The following EXD1 variants were observed in gnomAD, a reference collection of about 807,000 sequenced individuals.
EXD1 encodes the protein exonuclease 3'-5' domain containing 1.
A neutral mutation model predicts 49.1 loss-of-function variants in EXD1; 63 were observed. The ratio of observed to expected loss-of-function variants is 1.28; its 90% CI spans 1.05 to 1.58. The LOEUF (loss-of-function observed/expected upper bound fraction) is 1.58, where lower values mean the gene tolerates loss of function less well. Ranked by LOEUF, EXD1 falls within the 40% of genes most tolerant of loss-of-function variation. The pLI is 0.00. For missense variants in EXD1, 748 were observed against 666.0 expected (o/e 1.12, Z -1.36); for synonymous variants, 234 against 239.2 (o/e 0.98, Z 0.20).
chr15:41,221,853 A>G (rs1044105675), intron 2 of EXD1, among the ~76,000 whole-genome samples: 4 of 152,052 alleles, frequency 2.6e-5, no homozygotes, highest in Non-Finnish European at 4.4e-5. Flanking sequence ...CTGTAATTCC[A>G]GCACTTGAGA....
intron 9 of EXD1, among the ~76,000 whole-genome samples, chr15:41,193,828 A>G (rs1160953142): frequency 6.6e-6 from 1 of 151,860 alleles, no homozygotes. Context: ...AATTATAATT[A>G]TTTATCTATA....
chr15:41,202,828 G>C (rs567116944), intron 7 of EXD1, among the ~76,000 whole-genome samples: 110 of 150,160 alleles, frequency 7.3e-4, no homozygotes, highest in South Asian at 2.3e-3. Flanking sequence ...TGAGGCGCGA[G>C]AATCGCTGGA....
chr15:41,189,970 G>A lies in EXD1; in HGVS notation c.1023C>T (p.Arg341=), dbSNP rs546417875. ...CTCCAAGCCGGTCTGCAGACCCTTC[G>A]CGATACGTGTTTAGGTAACCATCCA... ...TLVDGYLNTY[R]EGSADRLGGT... is the part of the protein sequence containing the mutation. The change falls in exon 11 of 12, where the codon CGC becomes CGT. Residue 341 remains arginine, a synonymous_variant. Coordinates refer to ENST00000458580, the MANE Select transcript of EXD1 (RefSeq NM_001286441.2). 42 of 1,613,990 alleles carry A rather than the reference G, an allele frequency of 2.6e-5. No homozygotes were observed. In the Middle Eastern group the frequency reaches 6.6e-4, roughly 25 times the overall value.
At chr15:41,214,939 T>G (rs1490826238) in intron 6 of EXD1, among the ~76,000 whole-genome samples, 4 of 151,634 alleles carry the variant, frequency 2.6e-5, no homozygotes, top group Admixed American at 2.6e-4. Flanking sequence ...TAGAGACGGG[T>G]TTTCACCGTG....
chr15:41,226,754 T>C (rs2047170117), intron 1 of EXD1, 126 bp from the exon 2 acceptor site: 2 of 784,534 alleles, frequency 2.5e-6, no homozygotes, highest in South Asian at 5.4e-5. Context: ...TTCATCTTTT[T>C]GGAATGATGA....
chr15:41,189,926 G>A lies in EXD1; in HGVS notation c.1056+11C>T. 6.2e-7 allele frequency: 1 copy of A among 1,613,000 alleles called. No individual in the cohort carries two copies. Among genetic ancestry groups the A allele is most frequent in the Non-Finnish European group, 8.5e-7 (1 of 1,179,216 alleles). ...AGAAAGGAGGTCCTGAAGACAGAGA[G>A]CTGCACCTACCTCAGTGCCTCCAAG... is the stretch of plus-strand genomic sequence containing the variant. On this transcript the variant is annotated intron_variant, in intron 11 of 11. Transcript: ENST00000458580.
chr15:41,187,568 G>A (rs1407440597), intron 11 of EXD1, among the ~76,000 whole-genome samples: 5 of 152,108 alleles, frequency 3.3e-5, no homozygotes. Flanking sequence ...AATAATGCAT[G>A]TAGAGTATTA....
chr15:41,191,198 T>G (rs991546133), intron 10 of EXD1, among the ~76,000 whole-genome samples: 1 of 152,208 alleles, frequency 6.6e-6, no homozygotes, highest in South Asian at 2.1e-4. Flanking sequence ...AGTGTTGGGA[T>G]TATAGGCGTG....
intron 1 of EXD1, among the ~76,000 whole-genome samples, chr15:41,229,039 T>C (rs913538290): frequency 3.3e-5 from 5 of 152,150 alleles, no homozygotes; most frequent in African/African-American, 4.8e-5. Flanking sequence ...GGGACATTCA[T>C]GGGGCTGACA....
At position 41,184,609 on chromosome 15, in the gene EXD1, G is replaced by A. The variant is rs1209071689; in HGVS notation, c.1057-16C>T. ...TACATGTAGGCTAAGAAGAGAAAGCGAACACAAGTTTATTATAACTAAACT... is the reference window on the plus strand; with the variant it reads ...TACATGTAGGCTAAGAAGAGAAAGCAAACACAAGTTTATTATAACTAAACT... On this transcript the variant is annotated splice_polypyrimidine_tract_variant and intron_variant, in intron 11 of 11. Transcript: ENST00000458580. 21 of 1,547,646 alleles carry A rather than the reference G, an allele frequency of 1.4e-5. No individual in the cohort carries two copies. The highest frequency in any genetic ancestry group is 1.8e-5 in the Non-Finnish European group (21 of 1,152,900).
intron 9 of EXD1, among the ~76,000 whole-genome samples, 182 bp from the exon 10 acceptor site, chr15:41,191,767 A>C (rs576098795): frequency 3.3e-4 from 50 of 152,026 alleles, no homozygotes; most frequent in African/African-American, 1.1e-3. Flanking sequence ...GAAAAAAAAA[A>C]CGGAATAAAA....
At chr15:41,226,702 A>G in intron 1 of EXD1, 74 bp from the exon 2 acceptor site, 1 of 1,161,616 alleles carries the variant, frequency 8.6e-7, no homozygotes, top group Non-Finnish European at 1.2e-6. Flanking sequence ...CTTTCCCCAT[A>G]TCTGTAATGG....
At chr15:41,220,975 T>C (rs1261446472) in intron 2 of EXD1, among the ~76,000 whole-genome samples, 1 of 152,156 alleles carries the variant, frequency 6.6e-6, no homozygotes, top group South Asian at 2.1e-4. Flanking sequence ...CCCAAAGTAC[T>C]GGGATTACAG....
At chr15:41,189,648 G>A (rs1207966142) in intron 11 of EXD1, among the ~76,000 whole-genome samples, 1 of 151,906 alleles carries the variant, frequency 6.6e-6, no homozygotes, top group African/African-American at 2.4e-5. Context: ...GGGCGACAGA[G>A]TGAGACTCTG....
chr15:41,197,230 T>C (rs922882442), intron 7 of EXD1, among the ~76,000 whole-genome samples: 6 of 138,924 alleles, frequency 4.3e-5, no homozygotes, highest in African/African-American at 1.6e-4. Flanking sequence ...TTCTTTTTTC[T>C]TTTTTTTTTT....
In EXD1 at chr15:41,182,987, A is replaced by T. The variant is rs2046345819; in HGVS notation, c.*944T>A. 6.6e-6 allele frequency: 1 copy of T among 152,154 alleles called. No homozygotes were observed. Among genetic ancestry groups the T allele is most frequent in the African/African-American group, 2.4e-5 (1 of 41,450 alleles). The allele number at this position is 152,154 out of a possible 1,614,324, so 9.4% of individuals were successfully genotyped here. A position where few individuals can be genotyped will look rare whatever the true frequency, so the allele number is the denominator to read the frequency against. On this transcript the variant is annotated 3_prime_UTR_variant, in exon 12 of 12. Transcript: ENST00000458580. ...AGCTAAAAATAAAGGAAATAAAAAC[A>T]AATTAAAATAAAGATATTGGCTGGG...
chr15:41,214,133 C>T (rs977396695), intron 6 of EXD1, among the ~76,000 whole-genome samples: 36 of 152,118 alleles, frequency 2.4e-4, no homozygotes, highest in Non-Finnish European at 3.5e-4. Context: ...TGCCACTGCA[C>T]TCCAGCCTGG....
At chr15:41,197,161 A>T (rs1043398262) in intron 7 of EXD1, among the ~76,000 whole-genome samples, 4 of 151,922 alleles carry the variant, frequency 2.6e-5, no homozygotes, top group Non-Finnish European at 4.4e-5. Flanking sequence ...CTTGATTCTT[A>T]GAGAAAACAG....
At chr15:41,209,171 C>T (rs1442228847) in intron 7 of EXD1, among the ~76,000 whole-genome samples, 2 of 152,074 alleles carry the variant, frequency 1.3e-5, no homozygotes, top group Non-Finnish European at 2.9e-5. Context: ...TCCCTGTAAT[C>T]CCAGTGACTA....
Sources: gnomAD v4.1 joint callset for allele counts (sites outside exome capture counted in the v4.1 genomes callset) on GRCh38, gnomAD v4.1.1 for gene constraint, MANE v1.5 for transcripts, NCBI Gene and HGNC (gene_info 2026-07-23, HGNC 2026-07-21) for gene names.